The following CPPED1 variants were observed in gnomAD, a reference collection of about 807,000 sequenced individuals.
CPPED1 encodes calcineurin like phosphoesterase domain containing 1, also known as serine/threonine-protein phosphatase CPPED1.
CPPED1 carries 28 observed loss-of-function variants against 28.0 expected under a neutral mutation model. The observed-to-expected ratio is 1.00, with a 90% CI of 0.74 to 1.37. The LOEUF is 1.37. CPPED1 is among the 40% of genes most tolerant of loss of function. The pLI, the probability that CPPED1 is intolerant of heterozygous loss-of-function variation, is 0.00. For synonymous variants in CPPED1, 198 were observed against 180.2 expected (o/e 1.10, Z -0.79); for missense variants, 504 against 416.5 (o/e 1.21, Z -1.83).
In CPPED1 at chr16:12,690,185, G is replaced by C. The variant is rs936267001; in HGVS notation, c.715+14439C>G. ...GAGGGGCTGGCCAGAGTCTGCGGGG[G>C]TGGGTACAGATCCCTCCCTGTTTCA... is the stretch of plus-strand genomic sequence containing the variant. On this transcript the variant is annotated intron_variant, in intron 3 of 3. Coordinates refer to ENST00000381774, the MANE Select transcript of CPPED1 (RefSeq NM_018340.3). Among the ~76,000 whole-genome samples the C allele has an allele frequency of 9.2e-5, 14 of 152,248 alleles. No homozygotes were observed. In the East Asian group the frequency reaches 2.7e-3, roughly 29 times the overall value.
At position 12,664,262 on chromosome 16, in the gene CPPED1, G is replaced by T; in HGVS notation, c.*624C>A. The T allele has an allele frequency of 1.4e-6, 1 of 705,164 alleles. No homozygotes were observed. The highest frequency in any genetic ancestry group is 1.7e-6 in the Non-Finnish European group (1 of 573,676). 43.7% of individuals were successfully genotyped at this position (705,164 alleles called of 1,614,324 possible). On this transcript the variant is annotated 3_prime_UTR_variant, in exon 4 of 4. Coordinates refer to ENST00000381774, the MANE Select transcript of CPPED1 (RefSeq NM_018340.3). The surrounding 1 kb of genome is among the most constrained non-coding windows in gnomAD (Gnocchi z 4.2). ...GTGACTTTTCTAGGCACCCAGGAAG[G>T]CAAATTTAAGCTCCGAGCTGTATCA...
rs1454724316 is a variant in CPPED1 at position 12,709,825 on chromosome 16, C to A, written c.290-4776G>T. On this transcript the variant is annotated intron_variant, in intron 2 of 3. Coordinates refer to ENST00000381774, the MANE Select transcript of CPPED1 (RefSeq NM_018340.3). The surrounding 1 kb of genome is among the most constrained non-coding windows in gnomAD (Gnocchi z 4.4). ...AGTCTGCTCTCACACTCTCACTGAA[C>A]ATCATACTAGAAATCCTAGCCAGTG... Among the ~76,000 whole-genome samples the A allele has an allele frequency of 6.6e-6, 1 of 151,452 alleles. No homozygotes were observed. The highest frequency in any genetic ancestry group is 1.5e-5 in the Non-Finnish European group (1 of 67,942).
intron 3 of CPPED1, among the ~76,000 whole-genome samples, chr16:12,685,537 AACC>A (rs748655346): frequency 9.2e-5 from 14 of 152,214 alleles, no homozygotes; most frequent in Non-Finnish European, 1.9e-4. Flanking sequence ...AATGCGTTTA[AACC>A]CCTGGCACAC....
At chr16:12,775,333 T>C (rs1156312602) in intron 2 of CPPED1, among the ~76,000 whole-genome samples, 13 of 152,162 alleles carry the variant, frequency 8.5e-5, no homozygotes, top group Non-Finnish European at 1.9e-4. Flanking sequence ...GATATTCCAT[T>C]ATAAGCAACA....
chr16:12,724,020 A>G (rs2080156182), intron 2 of CPPED1, among the ~76,000 whole-genome samples: 1 of 152,094 alleles, frequency 6.6e-6, no homozygotes, highest in African/African-American at 2.4e-5. Flanking sequence ...TTCATGGTGC[A>G]TGGTTTCCTT....
intron 3 of CPPED1, among the ~76,000 whole-genome samples, chr16:12,677,977 G>A (rs914978961): frequency 7.9e-5 from 12 of 152,138 alleles, no homozygotes; most frequent in Non-Finnish European, 1.8e-4. Context: ...TAAGCTTGTG[G>A]GCATGGCTGT....
intron 2 of CPPED1, among the ~76,000 whole-genome samples, chr16:12,770,015 T>C (rs12925522): frequency 0.22 from 32,776 of 152,182 alleles, 4,132 homozygotes; most frequent in East Asian, 0.3. Flanking sequence ...AAACAGATCC[T>C]ACTTTAATAT....
At chr16:12,704,182 G>A (rs1196823756) in intron 3 of CPPED1, among the ~76,000 whole-genome samples, 1 of 152,180 alleles carries the variant, frequency 6.6e-6, no homozygotes, top group Non-Finnish European at 1.5e-5. Flanking sequence ...AGAAGTGAAA[G>A]CAGATGTCCC....
At chr16:12,749,715 G>A (rs1272907055) in intron 2 of CPPED1, among the ~76,000 whole-genome samples, 2 of 152,118 alleles carry the variant, frequency 1.3e-5, no homozygotes, top group Non-Finnish European at 2.9e-5. Context: ...AGCCTCCCAA[G>A]TAGCTTGAAT....
chr16:12,800,108 G>A (rs528723018), intron 1 of CPPED1, among the ~76,000 whole-genome samples: 5 of 144,866 alleles, frequency 3.5e-5, no homozygotes, highest in African/African-American at 4.9e-5. Context: ...AAGACACCCC[G>A]TGCCCAATAG....
chr16:12,697,745 C>G (rs529068611), intron 3 of CPPED1, among the ~76,000 whole-genome samples: 1 of 152,084 alleles, frequency 6.6e-6, no homozygotes, highest in Non-Finnish European at 1.5e-5. Context: ...CCACAAAGCC[C>G]AAAATATTTA....
intron 3 of CPPED1, among the ~76,000 whole-genome samples, chr16:12,666,285 C>A (rs989548078): frequency 6.6e-6 from 1 of 152,112 alleles, no homozygotes; most frequent in Admixed American, 6.6e-5. Flanking sequence ...CTCTACAGGC[C>A]AGACACAAAA....
At position 12,665,039 on chromosome 16, in the gene CPPED1, T is replaced by C. The variant is rs1320434253; in HGVS notation, c.792A>G (p.Ser264=). The part of the protein sequence containing the change: ...GTYQNLDMVV[S]SAIGCQLGRD... ...TGCCCAGCTGGCATCCAATGGCAGA[T>C]GACACCACCATGTCGAGGTTCTGGT... Residue 264 remains serine, a synonymous_variant, in exon 4 of 4, where the codon TCA becomes TCG. Transcript: ENST00000381774. The C allele has an allele frequency of 1.9e-6, 3 of 1,610,674 alleles. No individual in the cohort carries two copies. The highest frequency in any genetic ancestry group is 1.1e-5 in the South Asian group (1 of 90,776).
chr16:12,797,386 A>G (rs1032253581), intron 1 of CPPED1, among the ~76,000 whole-genome samples: 9 of 152,162 alleles, frequency 5.9e-5, no homozygotes, highest in African/African-American at 2.2e-4. Context: ...CTGTCTCTAC[A>G]AAAAATATAA....
chr16:12,714,031 A>C (rs569837850), intron 2 of CPPED1, among the ~76,000 whole-genome samples: 1 of 152,216 alleles, frequency 6.6e-6, no homozygotes, highest in African/African-American at 2.4e-5. Flanking sequence ...AGAATCATAT[A>C]AAATGTAGGC....
intron 2 of CPPED1, among the ~76,000 whole-genome samples, chr16:12,765,799 T>C (rs1205544155): frequency 2.6e-5 from 4 of 152,202 alleles, no homozygotes; most frequent in South Asian, 2.1e-4. Context: ...TCGCGAAATA[T>C]ATGTCCTCAC....
At chr16:12,784,775 CAG>C (rs2080553122) in intron 1 of CPPED1, among the ~76,000 whole-genome samples, 1 of 152,198 alleles carries the variant, frequency 6.6e-6, no homozygotes, top group African/African-American at 2.4e-5. Context: ...CCTTCTACAA[CAG>C]AGTTTATGAA....
rs540614984 is a variant in CPPED1, at chr16:12,750,757, G to C, written c.289+30428C>G. 6.6e-5 allele frequency among the ~76,000 whole-genome samples: 10 copies of C among 152,284 alleles called. No individual in the cohort carries two copies. In the East Asian group the frequency reaches 7.7e-4, roughly 12 times the overall value. Reference sequence around the variant, plus strand: ...AGGCTGAGGTGGGCGGATCACTTGCGGTCAGGAGTTTAAGACCAGCCAGGC... The same window carrying C: ...AGGCTGAGGTGGGCGGATCACTTGCCGTCAGGAGTTTAAGACCAGCCAGGC... On this transcript the variant is annotated intron_variant, in intron 2 of 3. Coordinates refer to ENST00000381774, the MANE Select transcript of CPPED1 (RefSeq NM_018340.3).
intron 3 of CPPED1, among the ~76,000 whole-genome samples, chr16:12,667,351 A>G (rs1170510993): frequency 6.6e-6 from 1 of 152,224 alleles, no homozygotes; most frequent in East Asian, 1.9e-4. Context: ...CCATAAAAAG[A>G]TGTTATGAAA....
Sources: gnomAD v4.1 joint callset for allele counts (sites outside exome capture counted in the v4.1 genomes callset) on GRCh38, gnomAD v4.1.1 for gene constraint, Gnocchi (gnomAD v3.1) non-coding constraint, MANE v1.5 for transcripts, NCBI Gene and HGNC (gene_info 2026-07-23, HGNC 2026-07-21) for gene names.